ZMYND11: variants seen among roughly 807,000 people sequenced by gnomAD.
ZMYND11 encodes zinc finger MYND domain-containing protein 11.
ZMYND11 carries 9 observed loss-of-function variants against 84.9 expected under a neutral mutation model. That is an observed-to-expected ratio of 0.11 (90% CI 0.06 to 0.18). ZMYND11 has a LOEUF of 0.18. Among genes scored for constraint, ZMYND11 ranks in the 10% least tolerant of loss-of-function variants. The probability of loss-of-function intolerance (pLI) is 1.00; values close to 1 mark genes in which losing one functional copy is unlikely to be tolerated. For missense variants in ZMYND11, 409 were observed against 761.0 expected, an observed-to-expected ratio of 0.54 and a Z score of 5.44; for synonymous variants, 250 against 244.1, an observed-to-expected ratio of 1.02 and a Z score of -0.23.
At chr10:250,987 C>CA (rs1487572602) in intron 14 of ZMYND11, among the ~76,000 whole-genome samples, 1 of 152,172 alleles carries the variant, frequency 6.6e-6, no homozygotes, top group African/African-American at 2.4e-5. Context: ...TGTGCCACTG[C>CA]ACTCCAGCCT....
rs755148129 is a variant in ZMYND11 at position 237,665 on chromosome 10, C to A, written c.597C>A (p.Pro199=). ...TGGTGCACTCAGCTGTGGACGTTCC[C>A]ACCATTCAAGAGGTAAAGTCGGTTT... The part of the protein sequence containing the change: ...RRLVHSAVDV[P]TIQEKVNEGK... The change falls in exon 6 of 15, where the codon CCC becomes CCA. Residue 199 remains proline, a synonymous_variant. Transcript: ENST00000381604. The A allele has an allele frequency of 1.2e-6, 2 of 1,609,246 alleles. No individual in the cohort carries two copies. Among genetic ancestry groups the A allele is most frequent in the Non-Finnish European group, 1.7e-6 (2 of 1,178,518 alleles).
chr10:242,010 T>TTAATTTCCA lies in ZMYND11; in HGVS notation c.832-10_832-2dup. 1 of 1,613,774 alleles carries TTAATTTCCA rather than the reference T, an allele frequency of 6.2e-7. No homozygotes were observed. The highest frequency in any genetic ancestry group is 1.1e-5 in the South Asian group (1 of 90,980). On this transcript the variant is annotated splice_polypyrimidine_tract_variant and intron_variant, in intron 9 of 14. Coordinates refer to ENST00000381604, the MANE Select transcript of ZMYND11 (RefSeq NM_001370100.5). The stretch of plus-strand genomic sequence containing the variant: ...AAAGTAATATAACAAGGTAAAACAT[T>TTAATTTCCA]TAATTTCCAGATACCTAATCATGAG...
chr10:231,661 G>A (rs1949033535), intron 4 of ZMYND11, among the ~76,000 whole-genome samples: 1 of 152,178 alleles, frequency 6.6e-6, no homozygotes, highest in African/African-American at 2.4e-5. Context: ...AAACACCGAA[G>A]GGCACCATGC....
chr10:213,666 T>G (rs576593586), intron 3 of ZMYND11, among the ~76,000 whole-genome samples: 2 of 152,284 alleles, frequency 1.3e-5, no homozygotes, highest in East Asian at 1.9e-4. Context: ...GGTGTATTTA[T>G]CTTGATAAGT....
At chr10:162,208 CACA>C (rs1180228667) in intron 1 of ZMYND11, among the ~76,000 whole-genome samples, 12 of 152,260 alleles carry the variant, frequency 7.9e-5, no homozygotes, top group East Asian at 7.7e-4. Flanking sequence ...TCAGAACACA[CACA>C]ACATTTATTG....
Position 206,284 on chromosome 10 carries a change from C to T in ZMYND11, c.117-3605C>T, listed in dbSNP as rs1278245692. Among the ~76,000 whole-genome samples, 8 of 152,206 alleles carry T rather than the reference C, an allele frequency of 5.3e-5. No individual in the cohort carries two copies. In the East Asian group the frequency reaches 1.5e-3, roughly 29 times the overall value. ...CTGAGTCAGGAGAATCACTTGAACC[C>T]AGGAGGCAGAGGTTGCAGTGAGCCG... On this transcript the variant is annotated intron_variant, in intron 2 of 14. Transcript: ENST00000381604.
chr10:210,340 G>A (rs553001720), intron 3 of ZMYND11, among the ~76,000 whole-genome samples: 6 of 152,224 alleles, frequency 3.9e-5, no homozygotes, highest in African/African-American at 1.2e-4. Context: ...AAGTGTTTTC[G>A]TCAATAAATA....
intron 10 of ZMYND11, among the ~76,000 whole-genome samples, chr10:242,858 A>ACACTTCTGTT (rs1247241626): frequency 1.9e-4 from 29 of 152,346 alleles, no homozygotes; most frequent in African/African-American, 7.0e-4. Flanking sequence ...TAAGAAACCT[A>ACACTTCTGTT]TAAATACTGT....
intron 2 of ZMYND11, among the ~76,000 whole-genome samples, chr10:185,494 A>T (rs1329152545): frequency 1.4e-5 from 1 of 69,566 alleles, no homozygotes; most frequent in Non-Finnish European, 4.3e-5. Flanking sequence ...GTTTTTCTTT[A>T]AAAAAAAAAA....
At chr10:220,859 G>C in intron 3 of ZMYND11, among the ~76,000 whole-genome samples, 1 of 152,100 alleles carries the variant, frequency 6.6e-6, no homozygotes, top group Middle Eastern at 3.2e-3. Context: ...AGGTTGGTTT[G>C]GGGTTCTCAG....
chr10:157,361 G>A (rs1281517075), intron 1 of ZMYND11, among the ~76,000 whole-genome samples: 6 of 152,070 alleles, frequency 3.9e-5, no homozygotes, highest in Non-Finnish European at 7.4e-5. Context: ...CACCACACTT[G>A]GCTAATGTTT....
intron 2 of ZMYND11, among the ~76,000 whole-genome samples, chr10:205,045 G>C (rs990814442): frequency 2.6e-5 from 4 of 152,022 alleles, no homozygotes; most frequent in Non-Finnish European, 5.9e-5. Flanking sequence ...AAGAGTTTGA[G>C]TCTCATTGGA....
At chr10:143,838 G>C (rs1166036914) in intron 1 of ZMYND11, among the ~76,000 whole-genome samples, 2 of 151,962 alleles carry the variant, frequency 1.3e-5, no homozygotes, top group African/African-American at 2.4e-5. Flanking sequence ...ATTGTTTCAG[G>C]TAAGAAACTG....
chr10:156,993 T>C (rs1841866099), intron 1 of ZMYND11, among the ~76,000 whole-genome samples: 2 of 152,086 alleles, frequency 1.3e-5, no homozygotes, highest in South Asian at 4.1e-4. Flanking sequence ...AAGAGTCAAG[T>C]TTGTTTTTTT....
intron 4 of ZMYND11, among the ~76,000 whole-genome samples, chr10:222,706 CAA>C (rs148206520): frequency 3.6e-5 from 5 of 139,810 alleles, no homozygotes; most frequent in Admixed American, 7.2e-5. Context: ...TTAATGAGAT[CAA>C]AAAAAAAAAG....
intron 1 of ZMYND11, among the ~76,000 whole-genome samples, chr10:139,636 T>A (rs2131105209): frequency 6.6e-6 from 1 of 151,886 alleles, no homozygotes; most frequent in South Asian, 2.1e-4. Context: ...ATTGTCTGTC[T>A]ACTGTATATC....
chr10:238,331 A>G (rs1950314438), intron 6 of ZMYND11, among the ~76,000 whole-genome samples: 1 of 152,008 alleles, frequency 6.6e-6, no homozygotes, highest in Non-Finnish European at 1.5e-5. Context: ...AGACCACAGG[A>G]ATAATTTTAA....
intron 2 of ZMYND11, among the ~76,000 whole-genome samples, chr10:187,310 C>T (rs1183140930): frequency 6.6e-6 from 1 of 152,172 alleles, no homozygotes; most frequent in Non-Finnish European, 1.5e-5. Context: ...GTTAGATAAT[C>T]ACTGCTAAGA....
At chr10:150,042 A>G (rs1328148049) in intron 1 of ZMYND11, among the ~76,000 whole-genome samples, 6 of 152,178 alleles carry the variant, frequency 3.9e-5, no homozygotes, top group Admixed American at 2.0e-4. Flanking sequence ...TTTTGCATCA[A>G]TGTTCATCAG....
Sources: allele counts gnomAD v4.1 joint callset (sites outside exome capture counted in the v4.1 genomes callset), GRCh38; gene constraint gnomAD v4.1.1; transcripts MANE v1.5; gene names NCBI Gene and HGNC (gene_info 2026-07-23, HGNC 2026-07-21).